ANXA3: variants seen among roughly 807,000 people sequenced by gnomAD.
ANXA3 encodes annexin A3.
ANXA3 carries 46 observed loss-of-function variants against 48.8 expected under a neutral mutation model. The observed-to-expected ratio is 0.94, with a 90% CI of 0.74 to 1.21. The LOEUF (loss-of-function observed/expected upper bound fraction) is 1.21, where lower values mean the gene tolerates loss of function less well. Ranked by LOEUF, ANXA3 falls within the 50% of genes most tolerant of loss-of-function variation. The pLI is 0.00. For synonymous variants in ANXA3, 128 were observed against 134.7 expected (o/e 0.95, Z 0.35); for missense variants, 383 against 378.6 (o/e 1.01, Z -0.10).
intron 6 of ANXA3, among the ~76,000 whole-genome samples, chr4:78,589,230 T>C (rs762874549): frequency 5.7e-4 from 86 of 152,210 alleles, no homozygotes; most frequent in Non-Finnish European, 9.3e-4. Context: ...ACTTTTACCA[T>C]TCAGGATAGT....
intron 3 of ANXA3, among the ~76,000 whole-genome samples, chr4:78,577,719 CA>C (rs1722983103): frequency 6.7e-6 from 1 of 148,960 alleles, no homozygotes; most frequent in South Asian, 2.2e-4. Flanking sequence ...CACCTTGACA[CA>C]AAGAAGTTGA....
chr4:78,587,003 G>A (rs1423625771), intron 6 of ANXA3, among the ~76,000 whole-genome samples: 2 of 152,156 alleles, frequency 1.3e-5, no homozygotes, highest in Admixed American at 1.3e-4. Flanking sequence ...AGGTTGAATA[G>A]CACACTAGAA....
chr4:78,580,919 G>A (rs1723058465), intron 4 of ANXA3, among the ~76,000 whole-genome samples: 1 of 152,142 alleles, frequency 6.6e-6, no homozygotes, highest in Non-Finnish European at 1.5e-5. Flanking sequence ...ATACAGAGAA[G>A]GTGAATGATC....
At chr4:78,594,775 C>A (rs1459362446) in intron 7 of ANXA3, among the ~76,000 whole-genome samples, 1 of 152,082 alleles carries the variant, frequency 6.6e-6, no homozygotes, top group African/African-American at 2.4e-5. Flanking sequence ...GATACAAGTT[C>A]TTTATCAGAT....
At chr4:78,605,866 G>A (rs1252499378) in intron 12 of ANXA3, among the ~76,000 whole-genome samples, 2 of 152,258 alleles carry the variant, frequency 1.3e-5, no homozygotes, top group Non-Finnish European at 2.9e-5. Context: ...TGGTTCAAAA[G>A]TCATAGTCCC....
intron 2 of ANXA3, among the ~76,000 whole-genome samples, chr4:78,561,303 C>A (rs1451885742): frequency 2.6e-5 from 4 of 152,154 alleles, no homozygotes; most frequent in African/African-American, 9.7e-5. Flanking sequence ...CATATGAGGA[C>A]ACAGTCATCT....
At chr4:78,609,973 C>A (rs936546552) in intron 12 of ANXA3, 83 bp from the exon 13 acceptor site, 9 of 1,032,196 alleles carry the variant, frequency 8.7e-6, no homozygotes, top group African/African-American at 3.2e-5. Context: ...CAGGTGAATT[C>A]CCTAGTGCTA....
At chr4:78,595,967 A>C in intron 9 of ANXA3, 80 bp downstream of exon 9, 1 of 965,470 alleles carries the variant, frequency 1.0e-6, no homozygotes, top group South Asian at 1.5e-5. Flanking sequence ...AAGATCTAGA[A>C]AAACGAAGTT....
chr4:78,588,393 G>A (rs901911137), intron 6 of ANXA3, among the ~76,000 whole-genome samples: 1 of 151,664 alleles, frequency 6.6e-6, no homozygotes, highest in African/African-American at 2.4e-5. Context: ...ACCTTGTCTT[G>A]GAAAAAAAAG....
At chr4:78,597,079 G>A (rs1240542041) in intron 9 of ANXA3, 2 of 383,192 alleles carry the variant, frequency 5.2e-6, no homozygotes, top group Non-Finnish European at 9.3e-6. Context: ...TTGAGAGAAG[G>A]GGAAAGAGAA....
intron 4 of ANXA3, among the ~76,000 whole-genome samples, chr4:78,581,844 T>C (rs1206026835): frequency 1.3e-5 from 2 of 152,156 alleles, no homozygotes; most frequent in Non-Finnish European, 2.9e-5. Context: ...CGTGAATTTA[T>C]AAGGGTTCCT....
intron 12 of ANXA3, among the ~76,000 whole-genome samples, chr4:78,604,858 T>G (rs1351491504): frequency 6.6e-6 from 1 of 152,236 alleles, no homozygotes; most frequent in East Asian, 1.9e-4. Flanking sequence ...ATCATTCCAT[T>G]GTTTGTATAT....
intron 11 of ANXA3, 78 bp downstream of exon 11, chr4:78,601,646 T>C: frequency 8.4e-7 from 1 of 1,186,376 alleles, no homozygotes; most frequent in South Asian, 1.4e-5. Flanking sequence ...AGAACAAATA[T>C]TTAAAAATTA....
At chr4:78,559,009 TAATA>T (rs1722572554) in intron 2 of ANXA3, among the ~76,000 whole-genome samples, 1 of 152,226 alleles carries the variant, frequency 6.6e-6, no homozygotes. Flanking sequence ...TACAGAATAA[TAATA>T]AATGTAATTC....
intron 3 of ANXA3, among the ~76,000 whole-genome samples, chr4:78,578,163 C>A (rs1011988642): frequency 2.6e-5 from 4 of 151,682 alleles, no homozygotes; most frequent in Admixed American, 2.0e-4. Flanking sequence ...TGCCTGTAAT[C>A]CCAGCTACTT....
intron 9 of ANXA3, 102 bp downstream of exon 9, chr4:78,595,989 A>G (rs1298109429): frequency 1.4e-6 from 1 of 714,094 alleles, no homozygotes; most frequent in African/African-American, 1.8e-5. Context: ...AAAATTGCGA[A>G]GTCTGTTCCA....
In ANXA3 at chr4:78,591,975, C is replaced by A. The variant is rs141885153; in HGVS notation, c.483+352C>A. ...TTTTAAAGAACAGGTTTATTTTCTT[C>A]TGGACTCTGAAGAATAAATATTTCT... On this transcript the variant is annotated intron_variant, in intron 7 of 12. Transcript: ENST00000264908. Among the ~76,000 whole-genome samples, 599 of 152,194 alleles carry A rather than the reference C, an allele frequency of 3.9e-3. 4 individuals are homozygous for A. Among genetic ancestry groups the A allele is most frequent in the African/African-American group, 0.013 (550 of 41,548 alleles).
intron 2 of ANXA3, among the ~76,000 whole-genome samples, chr4:78,559,814 G>A (rs1038938660): frequency 2.6e-5 from 4 of 152,136 alleles, no homozygotes; most frequent in African/African-American, 7.2e-5. Flanking sequence ...TCTCATCTAC[G>A]GTTTGTAAGC....
At chr4:78,602,748 C>G (rs1380154515) in intron 11 of ANXA3, 2 of 152,416 alleles carry the variant, frequency 1.3e-5, no homozygotes, top group Non-Finnish European at 2.9e-5. Context: ...TGAACACATC[C>G]TTTCCTTCAT....
Sources: gnomAD v4.1 joint callset for allele counts (sites outside exome capture counted in the v4.1 genomes callset) on GRCh38, gnomAD v4.1.1 for gene constraint, MANE v1.5 for transcripts, NCBI Gene and HGNC (gene_info 2026-07-23, HGNC 2026-07-21) for gene names.